Variants in ARFIP1 observed in about 807,000 individuals in gnomAD.
The protein encoded by ARFIP1 is arfaptin-1.
A neutral mutation model predicts 42.5 loss-of-function variants in ARFIP1; 24 were observed. That is an observed-to-expected ratio of 0.57 (90% CI 0.41 to 0.80). ARFIP1 has a LOEUF of 0.80. ARFIP1 is among the 30% of genes least tolerant of loss of function. The pLI, the probability that ARFIP1 is intolerant of heterozygous loss-of-function variation, is 0.00. For missense variants in ARFIP1, 354 were observed against 434.0 expected, an observed-to-expected ratio of 0.82 and a Z score of 1.64; for synonymous variants, 141 against 153.7, an observed-to-expected ratio of 0.92 and a Z score of 0.61.
intron 1 of ARFIP1, among the ~76,000 whole-genome samples, chr4:152,804,147 T>C (rs1337170716): frequency 8.4e-6 from 1 of 118,418 alleles, no homozygotes; most frequent in Non-Finnish European, 1.6e-5. Flanking sequence ...ATATAACATG[T>C]ATTATATATT....
At chr4:152,818,984 CAGAG>C (rs1730135539) in intron 1 of ARFIP1, among the ~76,000 whole-genome samples, 1 of 152,150 alleles carries the variant, frequency 6.6e-6, no homozygotes, top group Non-Finnish European at 1.5e-5. Context: ...CCTGGGGAGC[CAGAG>C]AAAGGACTTG....
rs945576056 is a variant in ARFIP1 at position 152,897,112 on chromosome 4, T to C, written c.966+8805T>C. Among the ~76,000 whole-genome samples the C allele has an allele frequency of 2.6e-5, 4 of 152,202 alleles. No homozygotes were observed. The East Asian group carries it at 5.8e-4, about 22-fold the overall frequency. On this transcript the variant is annotated intron_variant, in intron 8 of 8. Coordinates refer to ENST00000353617, the MANE Select transcript of ARFIP1 (RefSeq NM_001025595.3). ...GTTTGCATTGCCTCCTTTCTCTCTT[T>C]AGAAATGAGGCAGAAATTAACTGTC...
At chr4:152,889,567 G>T (rs1736569415) in intron 8 of ARFIP1, among the ~76,000 whole-genome samples, 2 of 116,044 alleles carry the variant, frequency 1.7e-5, no homozygotes, top group Non-Finnish European at 3.5e-5. Flanking sequence ...GTATATTTAT[G>T]TGTATATATA....
intron 1 of ARFIP1, among the ~76,000 whole-genome samples, chr4:152,788,603 C>T (rs1305703692): frequency 1.3e-5 from 2 of 152,104 alleles, no homozygotes; most frequent in African/African-American, 4.8e-5. Flanking sequence ...ATTACTTGAG[C>T]CCAGGAGGCG....
chr4:152,872,609 G>T (rs758380868), intron 5 of ARFIP1, 45 bp downstream of exon 5: 3 of 1,155,160 alleles, frequency 2.6e-6, no homozygotes, highest in Non-Finnish European at 3.7e-6. Flanking sequence ...CTCTAAAAAA[G>T]TTCATTTATA....
intron 1 of ARFIP1, among the ~76,000 whole-genome samples, chr4:152,804,241 A>AATATAACATGTATT (rs1728742109): frequency 6.4e-5 from 1 of 15,686 alleles, no homozygotes; most frequent in African/African-American, 1.9e-4. Flanking sequence ...TATTATATAT[A>AATATAACATGTATT]ATATATAATA....
intron 1 of ARFIP1, among the ~76,000 whole-genome samples, chr4:152,785,240 G>C (rs1369937913): frequency 6.6e-6 from 1 of 152,130 alleles, no homozygotes; most frequent in Non-Finnish European, 1.5e-5. Flanking sequence ...TGTTTGTTTA[G>C]CATGTAATAA....
At chr4:152,847,224 C>G (rs1732629671) in intron 2 of ARFIP1, among the ~76,000 whole-genome samples, 1 of 145,100 alleles carries the variant, frequency 6.9e-6, no homozygotes, top group South Asian at 2.3e-4. Flanking sequence ...CCTCCGCCTC[C>G]CAGGTTCAAG....
chr4:152,893,339 GT>G (rs1383392307), intron 8 of ARFIP1, among the ~76,000 whole-genome samples: 5 of 151,966 alleles, frequency 3.3e-5, no homozygotes, highest in Admixed American at 3.3e-4. Context: ...TTTCTGCAAT[GT>G]TTTCTGTTTG....
At chr4:152,871,602 G>GATTTTTACTGGGTGCTGATCAC (rs1734886914) in intron 4 of ARFIP1, among the ~76,000 whole-genome samples, 1 of 150,722 alleles carries the variant, frequency 6.6e-6, no homozygotes, top group Admixed American at 6.6e-5. Context: ...AATTTTTGGG[G>GATTTTTACTGGGTGCTGATCAC]ATTTTTACTG....
chr4:152,880,866 C>T, intron 5 of ARFIP1, 97 bp from the exon 6 acceptor site: 1 of 936,014 alleles, frequency 1.1e-6, no homozygotes. Flanking sequence ...GTTACGCTAG[C>T]TTGTTTGAAT....
At chr4:152,887,873 G>C (rs944016333) in intron 7 of ARFIP1, among the ~76,000 whole-genome samples, 2 of 151,840 alleles carry the variant, frequency 1.3e-5, no homozygotes, top group Non-Finnish European at 2.9e-5. Flanking sequence ...CTGGTTTTTA[G>C]ATTTTGGAAA....
At chr4:152,815,351 T>A (rs1259035329) in intron 1 of ARFIP1, among the ~76,000 whole-genome samples, 1 of 152,132 alleles carries the variant, frequency 6.6e-6, no homozygotes, top group Non-Finnish European at 1.5e-5. Flanking sequence ...TGACCCTTCA[T>A]AGAAAAAAGT....
intron 1 of ARFIP1, among the ~76,000 whole-genome samples, chr4:152,782,048 GTGTGTGTA>G (rs1437690592): frequency 6.6e-6 from 1 of 152,126 alleles, no homozygotes; most frequent in Non-Finnish European, 1.5e-5. Context: ...AACAGGTTTT[GTGTGTGTA>G]TGTGTGTGTG....
intron 2 of ARFIP1, among the ~76,000 whole-genome samples, chr4:152,860,838 A>G (rs1303958741): frequency 6.6e-6 from 1 of 152,240 alleles, no homozygotes; most frequent in African/African-American, 2.4e-5. Flanking sequence ...AACTAAGCAA[A>G]GATACTTATG....
chr4:152,831,598 C>G (rs1017642605), intron 2 of ARFIP1, among the ~76,000 whole-genome samples: 1 of 152,192 alleles, frequency 6.6e-6, no homozygotes, highest in South Asian at 2.1e-4. Flanking sequence ...ACAACTCATC[C>G]CATCCTGGGA....
chr4:152,856,888 C>A (rs1294977770), intron 2 of ARFIP1, among the ~76,000 whole-genome samples: 4 of 152,150 alleles, frequency 2.6e-5, no homozygotes, highest in Non-Finnish European at 5.9e-5. Context: ...CAAATTATTT[C>A]AGTGATTTGA....
intron 1 of ARFIP1, among the ~76,000 whole-genome samples, chr4:152,809,154 C>G (rs1578844302): frequency 1.3e-5 from 2 of 152,132 alleles, no homozygotes; most frequent in East Asian, 3.8e-4. Context: ...ATTTGTATAG[C>G]TAATTTTGCT....
At chr4:152,897,938 C>T (rs1277410484) in intron 8 of ARFIP1, among the ~76,000 whole-genome samples, 2 of 149,698 alleles carry the variant, frequency 1.3e-5, no homozygotes, top group Admixed American at 1.3e-4. Flanking sequence ...TGAGTAAAGT[C>T]TCAGAAGACA....
Sources: allele counts gnomAD v4.1 joint callset (sites outside exome capture counted in the v4.1 genomes callset), GRCh38; gene constraint gnomAD v4.1.1; transcripts MANE v1.5; gene names NCBI Gene and HGNC (gene_info 2026-07-23, HGNC 2026-07-21).